GRID2: variants seen among roughly 807,000 people sequenced by gnomAD.
The protein encoded by GRID2 is glutamate ionotropic receptor delta type subunit 2.
A neutral mutation model predicts 114.8 loss-of-function variants in GRID2; 33 were observed. That is an observed-to-expected ratio of 0.29 (90% confidence interval 0.22 to 0.38). GRID2 has a LOEUF of 0.38. Ranked by LOEUF, GRID2 falls within the 10% of genes least tolerant of loss-of-function variation. GRID2 has a pLI of 1.00. For synonymous variants in GRID2, 505 were observed against 449.9 expected (o/e 1.12, Z -1.55); for missense variants, 1,184 against 1,257.7 (o/e 0.94, Z 0.89).
chr4:93,788,306 A>T (rs1734632904), intron 1 of GRID2, among the ~76,000 whole-genome samples: 1 of 149,874 alleles, frequency 6.7e-6, no homozygotes, highest in South Asian at 2.1e-4. Context: ...TGACAGAGCG[A>T]GACTCCGCTC....
At position 92,818,077 on chromosome 4, in the gene GRID2, G is replaced by T. The variant is rs139764259; in HGVS notation, c.244+227791G>T. 6.7e-3 allele frequency among the ~76,000 whole-genome samples: 1,015 copies of T among 152,222 alleles called. 17 individuals are homozygous for T. Among genetic ancestry groups the T allele is most frequent in the African/African-American group, 0.023 (951 of 41,550 alleles). ...CATATGAGATATTGATGATCATGTTGTCTTTTATGTTATCACTATATCCAC... is the reference window on the plus strand; with the variant it reads ...CATATGAGATATTGATGATCATGTTTTCTTTTATGTTATCACTATATCCAC... On this transcript the variant is annotated intron_variant, in intron 2 of 15. Transcript: ENST00000282020.
At chr4:93,563,687 G>A (rs1358271181) in intron 13 of GRID2, among the ~76,000 whole-genome samples, 7 of 151,910 alleles carry the variant, frequency 4.6e-5, no homozygotes, top group Admixed American at 3.9e-4. Flanking sequence ...GATCTAAAAG[G>A]AAAAGTGGCC....
intron 8 of GRID2, among the ~76,000 whole-genome samples, chr4:93,274,186 G>A (rs1044061252): frequency 6.6e-6 from 1 of 151,946 alleles, no homozygotes; most frequent in Non-Finnish European, 1.5e-5. Context: ...TTAAAATCCT[G>A]CAGTGGCATT....
intron 11 of GRID2, among the ~76,000 whole-genome samples, chr4:93,458,892 G>A (rs974385861): frequency 6.6e-6 from 1 of 151,982 alleles, no homozygotes; most frequent in Admixed American, 6.6e-5. Flanking sequence ...AGTAAGGGTA[G>A]AAATTGATAG....
intron 1 of GRID2, among the ~76,000 whole-genome samples, chr4:92,530,460 T>G (rs926224213): frequency 1.6e-4 from 21 of 129,714 alleles, no homozygotes; most frequent in Non-Finnish European, 2.5e-4. Context: ...ATAGTGAGAA[T>G]AGTGGAAAAA....
chr4:93,474,973 T>C (rs1725185124), intron 11 of GRID2, among the ~76,000 whole-genome samples: 1 of 152,168 alleles, frequency 6.6e-6, no homozygotes, highest in African/African-American at 2.4e-5. Flanking sequence ...CTCTCTGATC[T>C]TGACCTGAGT....
At chr4:93,634,626 C>G (rs551989233) in intron 14 of GRID2, among the ~76,000 whole-genome samples, 1 of 152,048 alleles carries the variant, frequency 6.6e-6, no homozygotes, top group African/African-American at 2.4e-5. Flanking sequence ...TATGCAGCAC[C>G]GTTCACCAGC....
intron 14 of GRID2, among the ~76,000 whole-genome samples, chr4:93,650,583 T>G (rs148947259): frequency 5.7e-4 from 87 of 152,268 alleles, no homozygotes; most frequent in African/African-American, 2.1e-3. Flanking sequence ...AATTCCTTTT[T>G]AAAGCAACCC....
intron 2 of GRID2, among the ~76,000 whole-genome samples, chr4:92,903,643 G>A (rs1747745251): frequency 6.6e-6 from 1 of 151,796 alleles, no homozygotes; most frequent in Admixed American, 6.6e-5. Flanking sequence ...GATTTTTAAT[G>A]GGAATAATTT....
chr4:93,043,870 AACCTGCACGTTGTGCACATGT>A (rs1451354027), intron 2 of GRID2, among the ~76,000 whole-genome samples: 1 of 152,030 alleles, frequency 6.6e-6, no homozygotes, highest in Non-Finnish European at 1.5e-5. Context: ...ATATGTAACA[AACCTGCACGTTGTGCACATGT>A]ACCCTAGAAC....
At chr4:93,445,725 T>C (rs966957536) in intron 10 of GRID2, among the ~76,000 whole-genome samples, 1 of 152,048 alleles carries the variant, frequency 6.6e-6, no homozygotes, top group Non-Finnish European at 1.5e-5. Context: ...TTCACTGATT[T>C]ATCATGTGTA....
At chr4:93,064,650 G>A (rs1438736527) in intron 2 of GRID2, among the ~76,000 whole-genome samples, 3 of 151,806 alleles carry the variant, frequency 2.0e-5, no homozygotes, top group Non-Finnish European at 4.4e-5. Flanking sequence ...AAAAGATTGG[G>A]TTTAACCAAA....
chr4:93,419,678 A>G (rs1195181357), intron 9 of GRID2, among the ~76,000 whole-genome samples: 2 of 152,088 alleles, frequency 1.3e-5, no homozygotes, highest in African/African-American at 4.8e-5. Context: ...TAATATAGCC[A>G]TTTCTATTCT....
chr4:93,095,302 T>G (rs1035671821), intron 3 of GRID2, among the ~76,000 whole-genome samples: 3 of 151,872 alleles, frequency 2.0e-5, no homozygotes, highest in Non-Finnish European at 4.4e-5. Flanking sequence ...CAGGCCCCGG[T>G]TTATGATGTT....
At chr4:92,307,171 C>G (rs1218666429) in intron 1 of GRID2, among the ~76,000 whole-genome samples, 1 of 151,942 alleles carries the variant, frequency 6.6e-6, no homozygotes, top group Non-Finnish European at 1.5e-5. Flanking sequence ...GATTAGTTTC[C>G]TTACTTGTTT....
intron 2 of GRID2, among the ~76,000 whole-genome samples, chr4:92,708,968 C>T (rs1735082123): frequency 1.3e-5 from 2 of 151,994 alleles, no homozygotes; most frequent in African/African-American, 4.8e-5. Flanking sequence ...ATTGTGCCCT[C>T]CAGGATAGAA....
intron 3 of GRID2, among the ~76,000 whole-genome samples, chr4:93,095,914 T>A (rs1315571263): frequency 1.3e-5 from 2 of 152,012 alleles, no homozygotes; most frequent in Middle Eastern, 3.2e-3. Context: ...ATCCTAACAT[T>A]GTGTAAAGAT....
intron 2 of GRID2, among the ~76,000 whole-genome samples, chr4:92,918,325 T>G (rs538958662): frequency 1.2e-4 from 19 of 152,300 alleles, no homozygotes; most frequent in African/African-American, 3.8e-4. Context: ...CCTCTTTTCC[T>G]AATTGAATGC....
chr4:92,855,832 G>A (rs1485794602), intron 2 of GRID2, among the ~76,000 whole-genome samples: 2 of 152,058 alleles, frequency 1.3e-5, no homozygotes, highest in South Asian at 2.1e-4. Context: ...TGGAGTACAA[G>A]AAGGTATATA....
Sources: gnomAD v4.1 joint callset for allele counts (sites outside exome capture counted in the v4.1 genomes callset) on GRCh38, gnomAD v4.1.1 for gene constraint, MANE v1.5 for transcripts, NCBI Gene and HGNC (gene_info 2026-07-23, HGNC 2026-07-21) for gene names.